Variants in UST observed in about 807,000 individuals in gnomAD.
UST encodes the protein chondroitin sulfate 2-O-sulfotransferase.
UST carries 21 observed loss-of-function variants against 45.6 expected under a neutral mutation model. The observed-to-expected ratio is 0.46, with a 90% CI of 0.33 to 0.66. The LOEUF (loss-of-function observed/expected upper bound fraction) is 0.66. Among genes scored for constraint, UST ranks in the 30% least tolerant of loss-of-function variants. The pLI is 0.02. For missense variants in UST, 463 were observed against 512.4 expected (o/e 0.90, Z 0.93); for synonymous variants, 215 against 200.6 (o/e 1.07, Z -0.61).
chr6:148,829,140 GGGATGGAT>G (rs61564934), intron 1 of UST, among the ~76,000 whole-genome samples: 50,829 of 149,242 alleles, frequency 0.34, 9,359 homozygotes, highest in East Asian at 0.51. Flanking sequence ...GTTAAGCCCT[GGGATGGAT>G]GGATGGATGG....
intron 1 of UST, among the ~76,000 whole-genome samples, chr6:148,786,328 A>G (rs911907285): frequency 1.3e-5 from 2 of 152,120 alleles, no homozygotes; most frequent in Non-Finnish European, 2.9e-5. Flanking sequence ...AGATCATCCC[A>G]TCACCCAGGT....
intron 1 of UST, among the ~76,000 whole-genome samples, chr6:148,829,377 C>T (rs1355206192): frequency 6.6e-6 from 1 of 152,172 alleles, no homozygotes; most frequent in Non-Finnish European, 1.5e-5. Context: ...CTCTCTAGGC[C>T]CAACTTCCCT....
chr6:148,996,032 T>C (rs529175767), intron 5 of UST, among the ~76,000 whole-genome samples: 1 of 152,288 alleles, frequency 6.6e-6, no homozygotes, highest in African/African-American at 2.4e-5. Flanking sequence ...CCAGCAGATG[T>C]TGGGAACCCA....
intron 7 of UST, among the ~76,000 whole-genome samples, chr6:149,053,032 C>T (rs1776511704): frequency 6.6e-6 from 1 of 152,156 alleles, no homozygotes; most frequent in African/African-American, 2.4e-5. Context: ...AGTTTAGTTA[C>T]AGCAAGTATC....
At chr6:148,781,795 G>C (rs1776648320) in intron 1 of UST, among the ~76,000 whole-genome samples, 1 of 152,132 alleles carries the variant, frequency 6.6e-6, no homozygotes, top group Admixed American at 6.5e-5. Context: ...GAAAATTGTA[G>C]GGCCCTTAAG....
intron 1 of UST, among the ~76,000 whole-genome samples, chr6:148,811,244 A>G (rs1777251664): frequency 6.6e-6 from 1 of 152,142 alleles, no homozygotes. Context: ...TCACCTGTAC[A>G]TGGTCCTTCA....
chr6:148,921,720 G>A (rs999742689), intron 2 of UST, among the ~76,000 whole-genome samples: 1 of 152,268 alleles, frequency 6.6e-6, no homozygotes, highest in Non-Finnish European at 1.5e-5. Flanking sequence ...GAGCATCCTT[G>A]TGGGTTATGG....
chr6:148,935,668 G>A (rs996171846), intron 2 of UST, among the ~76,000 whole-genome samples: 14 of 152,152 alleles, frequency 9.2e-5, no homozygotes, highest in African/African-American at 3.4e-4. Context: ...CTGCTTCTTG[G>A]TTTTTTCCTT....
rs1458915306 is a variant in UST, at chr6:148,934,119, C to A, written c.292-7160C>A. ...TATCATTTATTGGGTTATAACCTAACTTTCCCCTTTTTATAAGTGAGGAAA... is the reference window on the plus strand; with the variant it reads ...TATCATTTATTGGGTTATAACCTAAATTTCCCCTTTTTATAAGTGAGGAAA... On this transcript the variant is annotated intron_variant, in intron 2 of 7. Transcript: ENST00000367463. This position sits in a 1 kb window ranked among gnomAD's most constrained non-coding sequence, Gnocchi z 4.1. 6.6e-6 allele frequency among the ~76,000 whole-genome samples: 1 copy of A among 152,162 alleles called. No individual in the cohort carries two copies. The highest frequency in any genetic ancestry group is 1.5e-5 in the Non-Finnish European group (1 of 68,026).
intron 2 of UST, among the ~76,000 whole-genome samples, chr6:148,910,384 C>A (rs1779449765): frequency 1.3e-5 from 2 of 152,206 alleles, no homozygotes; most frequent in South Asian, 4.2e-4. Context: ...AGGTGATCCG[C>A]CCGCCTGAAC....
intron 1 of UST, among the ~76,000 whole-genome samples, chr6:148,784,642 T>C (rs1776705201): frequency 6.6e-6 from 1 of 152,250 alleles, no homozygotes; most frequent in African/African-American, 2.4e-5. Flanking sequence ...TTATCTTGTG[T>C]ATGTGTCCAC....
intron 7 of UST, among the ~76,000 whole-genome samples, chr6:149,056,117 C>CTTTTTTTTTTTTTTTTTTTTTTTTTTTT (rs34191810): frequency 1.2e-5 from 1 of 81,064 alleles, no homozygotes; most frequent in African/African-American, 5.1e-5. Flanking sequence ...CTTTTCTTTT[C>CTTTTTTTTTTTTTTTTTTTTTTTTTTTT]TTTTTTTTTT....
rs200778027 is a variant in UST at position 148,788,354 on chromosome 6, T to C, written c.247+40677T>C. 4.0e-5 allele frequency among the ~76,000 whole-genome samples: 6 copies of C among 151,814 alleles called. No individual in the cohort carries two copies. In the East Asian group the frequency reaches 9.6e-4, roughly 24 times the overall value. On this transcript the variant is annotated intron_variant, in intron 1 of 7. Coordinates refer to ENST00000367463, the MANE Select transcript of UST (RefSeq NM_005715.3). ...CGTTCAACTAGAAAATATATATATA[T>C]ACACACACACACACTTAGTGAAAGT... is the stretch of plus-strand genomic sequence containing the variant.
chr6:149,027,557 A>T (rs1776067171), intron 7 of UST: 1 of 152,202 alleles, frequency 6.6e-6, no homozygotes, highest in African/African-American at 2.4e-5. Context: ...AAATATTCCT[A>T]GGCAGTCCCC....
At chr6:149,008,643 A>T (rs1396752316) in intron 5 of UST, among the ~76,000 whole-genome samples, 1 of 152,088 alleles carries the variant, frequency 6.6e-6, no homozygotes, top group Non-Finnish European at 1.5e-5. Context: ...GCGGAATAAG[A>T]CTCCAGGTTT....
chr6:149,006,815 G>T (rs1245162531), intron 5 of UST, among the ~76,000 whole-genome samples: 1 of 152,122 alleles, frequency 6.6e-6, no homozygotes, highest in Non-Finnish European at 1.5e-5. Context: ...GTATATCATT[G>T]TGGTTTTTAT....
chr6:148,792,324 C>T (rs537772018), intron 1 of UST, among the ~76,000 whole-genome samples: 19 of 152,294 alleles, frequency 1.2e-4, no homozygotes, highest in Admixed American at 3.3e-4. Context: ...AGAGGCTGCG[C>T]GTCATTCAGA....
intron 1 of UST, among the ~76,000 whole-genome samples, chr6:148,863,790 G>GT (rs1270144725): frequency 6.6e-6 from 1 of 152,190 alleles, no homozygotes; most frequent in Non-Finnish European, 1.5e-5. Context: ...GTTTGCCTGG[G>GT]TATCACCATC....
intron 1 of UST, among the ~76,000 whole-genome samples, chr6:148,801,659 A>G (rs1356926416): frequency 6.6e-6 from 1 of 151,894 alleles, no homozygotes; most frequent in Non-Finnish European, 1.5e-5. Context: ...TCAACTTCCA[A>G]GCTCCTGGTT....
Sources: allele counts gnomAD v4.1 joint callset (sites outside exome capture counted in the v4.1 genomes callset), GRCh38; gene constraint gnomAD v4.1.1; non-coding constraint Gnocchi (gnomAD v3.1); transcripts MANE v1.5; gene names NCBI Gene and HGNC (gene_info 2026-07-23, HGNC 2026-07-21).